AKAP12: variants seen among roughly 807,000 people sequenced by gnomAD.
AKAP12 encodes A-kinase anchoring protein 12, also known as A-kinase anchor protein 12.
Under a neutral mutation model 79.9 loss-of-function variants are expected in AKAP12, and 32 were observed. The ratio of observed to expected loss-of-function variants is 0.40; its 90% confidence interval spans 0.30 to 0.54. The LOEUF is 0.54. Ranked by LOEUF, AKAP12 falls within the 20% of genes least tolerant of loss-of-function variation. AKAP12 has a pLI of 0.48. For missense variants in AKAP12, 2,074 were observed against 2,177.0 expected (o/e 0.95, Z 0.94); for synonymous variants, 808 against 857.0 (o/e 0.94, Z 1.00).
At chr6:151,340,929 C>T (rs1483522664) in intron 3 of AKAP12, among the ~76,000 whole-genome samples, 1 of 152,184 alleles carries the variant, frequency 6.6e-6, no homozygotes, top group Non-Finnish European at 1.5e-5. Flanking sequence ...TTCTGAGTGC[C>T]TCACATCAGG....
chr6:151,246,971 T>C (rs1472897723), intron 2 of AKAP12, among the ~76,000 whole-genome samples: 1 of 152,120 alleles, frequency 6.6e-6, no homozygotes, highest in Non-Finnish European at 1.5e-5. Context: ...TTGTTTATTT[T>C]TGGTAGAGAC....
intron 3 of AKAP12, 31 bp from the exon 4 acceptor site, chr6:151,348,680 T>TCCCA: frequency 8.4e-6 from 3 of 355,202 alleles, no homozygotes; most frequent in South Asian, 5.9e-5. Context: ...TTTTCTCTTC[T>TCCCA]CCCCACCCCC....
chr6:151,338,737 C>T (rs533283380), intron 3 of AKAP12, among the ~76,000 whole-genome samples: 3 of 152,304 alleles, frequency 2.0e-5, no homozygotes, highest in African/African-American at 4.8e-5. Context: ...AGGCGTGAGC[C>T]GCTGCACCCG....
At position 151,350,667 on chromosome 6, in the gene AKAP12, G is replaced by A; in HGVS notation, c.2276G>A (p.Trp759Ter). Residue 759 changes from tryptophan (W) to a stop codon, truncating the protein, a stop_gained, in exon 4 of 5, where the codon TGG (tryptophan) becomes TAG (stop). Transcript: ENST00000402676. LOFTEE classifies it high-confidence loss of function. This position sits in a 1 kb window ranked among gnomAD's most constrained non-coding sequence, Gnocchi z 4.8. ...SPTEGEGVST[W>*]ESFKRLVTPR... Reference sequence around the variant, plus strand: ...ACCGAAGGGGAGGGCGTTTCCACCTGGGAGTCATTTAAAAGGTTAGTCACG... The same window carrying A: ...ACCGAAGGGGAGGGCGTTTCCACCTAGGAGTCATTTAAAAGGTTAGTCACG... The A allele has an allele frequency of 1.9e-6, 3 of 1,613,938 alleles. No individual in the cohort carries two copies. Among genetic ancestry groups the A allele is most frequent in the Non-Finnish European group, 2.5e-6 (3 of 1,180,000 alleles).
intron 3 of AKAP12, among the ~76,000 whole-genome samples, chr6:151,327,805 G>T (rs369233249): frequency 6.6e-6 from 1 of 152,262 alleles, no homozygotes; most frequent in East Asian, 1.9e-4. Context: ...TGGGTGTGGA[G>T]GATATGGCAA....
chr6:151,325,417 C>T, intron 3 of AKAP12: 1 of 985,444 alleles, frequency 1.0e-6, no homozygotes. Context: ...GCTCCAGCAT[C>T]GAACTCATGC....
chr6:151,312,333 C>T (rs560813422), intron 3 of AKAP12, among the ~76,000 whole-genome samples: 7 of 151,774 alleles, frequency 4.6e-5, no homozygotes, highest in African/African-American at 9.7e-5. Context: ...ATTAGCTGGA[C>T]GTGGTGGTGC....
At chr6:151,274,133 G>A (rs532867170) in intron 2 of AKAP12, among the ~76,000 whole-genome samples, 1 of 149,478 alleles carries the variant, frequency 6.7e-6, no homozygotes, top group East Asian at 2.1e-4. Context: ...GGGCAGTGGC[G>A]CAATCTCGGC....
In AKAP12 at chr6:151,260,138, AT is replaced by A. The variant is rs753336065; in HGVS notation, c.162+19416del. Among the ~76,000 whole-genome samples, 121 of 152,252 alleles carry A rather than the reference AT, an allele frequency of 7.9e-4. 2 individuals carry two copies. In the Middle Eastern group the frequency reaches 0.017, roughly 21 times the overall value. ...TCTTACTGTCAGTTCGCTAACGTTT[AT>A]TGGGTTTGAGTGCTTATTAGGTACC... On this transcript the variant is annotated intron_variant, in intron 2 of 4. Coordinates refer to ENST00000402676, the MANE Select transcript of AKAP12 (RefSeq NM_005100.4).
intron 3 of AKAP12, among the ~76,000 whole-genome samples, chr6:151,346,306 T>C (rs1286368584): frequency 6.6e-6 from 1 of 152,168 alleles, no homozygotes; most frequent in Admixed American, 6.6e-5. Context: ...CGGAAAAATA[T>C]AGTAAACACT....
chr6:151,294,994 C>T (rs1776693092), intron 2 of AKAP12, among the ~76,000 whole-genome samples: 1 of 152,190 alleles, frequency 6.6e-6, no homozygotes, highest in Non-Finnish European at 1.5e-5. Flanking sequence ...AGTAAATCTG[C>T]TTAACTCTGT....
At chr6:151,250,707 G>C (rs111824100) in intron 2 of AKAP12, among the ~76,000 whole-genome samples, 2 of 150,250 alleles carry the variant, frequency 1.3e-5, no homozygotes, top group South Asian at 2.1e-4. Context: ...CCGGGTTCAC[G>C]CCATTCTCCT....
intron 2 of AKAP12, among the ~76,000 whole-genome samples, chr6:151,258,959 C>T (rs144742804): frequency 0.017 from 2,520 of 148,228 alleles, 77 homozygotes; most frequent in African/African-American, 0.06. Flanking sequence ...TTTATATACA[C>T]ACTATATATA....
intron 3 of AKAP12, chr6:151,343,823 A>C (rs1778013123): frequency 2.8e-6 from 1 of 355,182 alleles, no homozygotes; most frequent in Admixed American, 4.8e-5. Flanking sequence ...TCATGGAAAT[A>C]CACTTAAGGA....
chr6:151,338,516 C>T (rs552963967), intron 3 of AKAP12, among the ~76,000 whole-genome samples: 35 of 150,726 alleles, frequency 2.3e-4, no homozygotes, highest in African/African-American at 8.3e-4. Flanking sequence ...AGTGTAGTGG[C>T]GTGATCTGGG....
intron 3 of AKAP12, among the ~76,000 whole-genome samples, chr6:151,334,943 A>AT (rs1374402267): frequency 6.6e-6 from 1 of 151,906 alleles, no homozygotes; most frequent in African/African-American, 2.4e-5. Flanking sequence ...TGTATTGGCG[A>AT]TTTTCAGTGA....
At chr6:151,345,932 T>TGTGTGTGTGAGAGA (rs1349850485) in intron 3 of AKAP12, among the ~76,000 whole-genome samples, 1 of 101,376 alleles carries the variant, frequency 9.9e-6, no homozygotes, top group African/African-American at 4.4e-5. Context: ...TGTGTGTGTG[T>TGTGTGTGTGAGAGA]GAGAGAGAGA....
At position 151,297,780 on chromosome 6, in the gene AKAP12, TC is replaced by T. The variant is rs1325638868; in HGVS notation, c.163-7966del. 9.2e-5 allele frequency among the ~76,000 whole-genome samples: 14 copies of T among 152,146 alleles called. No individual in the cohort carries two copies. In the East Asian group the frequency reaches 2.7e-3, roughly 29 times the overall value. On this transcript the variant is annotated intron_variant, in intron 2 of 4. Coordinates refer to ENST00000402676, the MANE Select transcript of AKAP12 (RefSeq NM_005100.4). The stretch of plus-strand genomic sequence containing the variant: ...TTGGATTCCCTTTTCATTTCACATC[TC>T]AGACTCAAGCCAAATGCTGCCTCCT...
intron 3 of AKAP12, among the ~76,000 whole-genome samples, chr6:151,314,243 G>T (rs995586238): frequency 6.6e-6 from 1 of 152,088 alleles, no homozygotes; most frequent in Admixed American, 6.5e-5. Context: ...ACCATGGCTG[G>T]TCTCAAACTC....
Sources: allele counts gnomAD v4.1 joint callset (sites outside exome capture counted in the v4.1 genomes callset), GRCh38; gene constraint gnomAD v4.1.1; non-coding constraint Gnocchi (gnomAD v3.1); transcripts MANE v1.5; gene names NCBI Gene and HGNC (gene_info 2026-07-23, HGNC 2026-07-21).